Variants in LRRC8C observed in about 807,000 individuals in gnomAD.
LRRC8C encodes leucine rich repeat containing 8 VRAC subunit C, also known as volume-regulated anion channel subunit LRRC8C.
In LRRC8C, 20 loss-of-function variants were observed where a neutral mutation model predicts 55.3. The observed-to-expected ratio is 0.36, with a 90% CI of 0.25 to 0.53. The LOEUF (loss-of-function observed/expected upper bound fraction) is 0.53, where lower values mean the gene tolerates loss of function less well. Ranked by LOEUF, LRRC8C falls within the 20% of genes least tolerant of loss-of-function variation. LRRC8C has a pLI of 0.92. For missense variants in LRRC8C, 659 were observed against 951.4 expected (o/e 0.69, Z 4.04); for synonymous variants, 376 against 360.7 (o/e 1.04, Z -0.48).
intron 2 of LRRC8C, among the ~76,000 whole-genome samples, chr1:89,689,950 AAG>A (rs1392516743): frequency 6.6e-6 from 1 of 152,180 alleles, no homozygotes; most frequent in African/African-American, 2.4e-5. Context: ...CAAAAAAAAA[AAG>A]AGAGAAATCA....
chr1:89,691,969 G>A (rs1168964246), intron 2 of LRRC8C, among the ~76,000 whole-genome samples: 2 of 152,258 alleles, frequency 1.3e-5, no homozygotes, highest in African/African-American at 2.4e-5. Flanking sequence ...TCTATAGTGA[G>A]CATTAACAAA....
upstream of LRRC8C, chr1:89,631,820 A>G (rs757512017): frequency 1.3e-5 from 2 of 152,258 alleles, no homozygotes; most frequent in African/African-American, 2.4e-5. Flanking sequence ...AATTGGAAAA[A>G]AAGTGTAGGA....
chr1:89,634,590 T>C (rs1465974691), intron 1 of LRRC8C, among the ~76,000 whole-genome samples: 2 of 152,228 alleles, frequency 1.3e-5, no homozygotes, highest in African/African-American at 4.8e-5. Flanking sequence ...TCCTCTTGGT[T>C]AGCACAATGC....
chr1:89,636,909 T>A (rs1656304649), intron 1 of LRRC8C, among the ~76,000 whole-genome samples: 1 of 152,206 alleles, frequency 6.6e-6, no homozygotes, highest in Non-Finnish European at 1.5e-5. Context: ...TTTTAAAAAA[T>A]TTCTTTATAT....
chr1:89,696,113 A>G (rs993450897), intron 2 of LRRC8C, among the ~76,000 whole-genome samples: 4 of 152,234 alleles, frequency 2.6e-5, no homozygotes, highest in African/African-American at 9.6e-5. Flanking sequence ...AGATTGAGAG[A>G]GGTCTTGAAT....
intron 2 of LRRC8C, among the ~76,000 whole-genome samples, chr1:89,705,841 C>T (rs777380282): frequency 6.6e-6 from 1 of 152,006 alleles, no homozygotes; most frequent in Non-Finnish European, 1.5e-5. Flanking sequence ...AAATAAAATA[C>T]ATAGACAGAC....
At chr1:89,709,751 G>GTT (rs1553168157) in intron 2 of LRRC8C, among the ~76,000 whole-genome samples, 5 of 93,094 alleles carry the variant, frequency 5.4e-5, no homozygotes, top group African/African-American at 1.9e-4. Flanking sequence ...GTTTTTTTTT[G>GTT]TTTGTTTTTT....
chr1:89,648,763 T>C (rs1197949317), intron 1 of LRRC8C, among the ~76,000 whole-genome samples: 3 of 152,172 alleles, frequency 2.0e-5, no homozygotes, highest in Non-Finnish European at 2.9e-5. Context: ...CCTCTACTTC[T>C]CCCACAGCCA....
the LRRC8C span, among the ~76,000 whole-genome samples, chr1:89,615,918 G>T: frequency 0.01 from 1,565 of 152,226 alleles, 24 homozygotes; most frequent in African/African-American, 0.035. Context: ...CAACTGCTGG[G>T]AGCCCTCAGG....
chr1:89,630,143 T>C (rs753573944), upstream of LRRC8C, among the ~76,000 whole-genome samples: 5 of 152,154 alleles, frequency 3.3e-5, no homozygotes, highest in African/African-American at 4.8e-5. Flanking sequence ...TGAGACTCTG[T>C]CTCAGAAAAA....
chr1:89,694,972 A>G (rs1379749195), intron 2 of LRRC8C, among the ~76,000 whole-genome samples: 3 of 145,690 alleles, frequency 2.1e-5, no homozygotes, highest in Non-Finnish European at 4.5e-5. Flanking sequence ...CCCAGGCTGG[A>G]GTGCAGTGGC....
At chr1:89,708,385 T>C (rs1331015671) in intron 2 of LRRC8C, 3 of 152,200 alleles carry the variant, frequency 2.0e-5, no homozygotes, top group African/African-American at 7.3e-5. Context: ...GAGATTTGTT[T>C]TGCAGCCTTT....
intron 2 of LRRC8C, among the ~76,000 whole-genome samples, chr1:89,706,057 G>A (rs372594925): frequency 9.2e-5 from 14 of 152,142 alleles, no homozygotes; most frequent in South Asian, 8.3e-4. Context: ...AAAGTTTATC[G>A]TGAAAGACAA....
chr1:89,673,740 A>G (rs1273086452), intron 1 of LRRC8C, among the ~76,000 whole-genome samples: 1 of 152,236 alleles, frequency 6.6e-6, no homozygotes, highest in African/African-American at 2.4e-5. Flanking sequence ...GAACAAAACA[A>G]ATTATTTCTG....
At chr1:89,666,692 CACATAAACATTTCTGTTAT>C (rs1657274790) in intron 1 of LRRC8C, among the ~76,000 whole-genome samples, 1 of 152,166 alleles carries the variant, frequency 6.6e-6, no homozygotes, top group South Asian at 2.1e-4. Context: ...TTCTGTTAGT[CACATAAACATTTCTGTTAT>C]TCATTTTAAT....
At position 89,717,477 on chromosome 1, in the gene LRRC8C, A is replaced by AC. The variant is rs1658860212; in HGVS notation, c.*2500dup. Reference sequence around the variant, plus strand: ...TGTTTTTTAGTGATTTTGCAGGCTGACCCCCAACCTAAGTTTTGATAACAT... The same window carrying AC: ...TGTTTTTTAGTGATTTTGCAGGCTGACCCCCCAACCTAAGTTTTGATAACAT... On this transcript the variant is annotated 3_prime_UTR_variant, in exon 3 of 3. Transcript: ENST00000370454. The AC allele has an allele frequency of 6.6e-6, 1 of 152,096 alleles. No individual in the cohort carries two copies. The highest frequency in any genetic ancestry group is 2.4e-5 in the African/African-American group (1 of 41,404). The allele number at this position is 152,096 out of a possible 1,614,324, so 9.4% of individuals were successfully genotyped here.
intron 1 of LRRC8C, among the ~76,000 whole-genome samples, chr1:89,665,718 G>C (rs1237702417): frequency 2.6e-5 from 4 of 152,062 alleles, no homozygotes; most frequent in African/African-American, 9.7e-5. Flanking sequence ...TATAAATTTA[G>C]TGTAGCCTAG....
chr1:89,715,460 GA>G lies in LRRC8C; in HGVS notation c.*480del, dbSNP rs1369567729. On this transcript the variant is annotated 3_prime_UTR_variant, in exon 3 of 3. Transcript: ENST00000370454. ...CATTGGCCAAGACCTTCATTCAGTG[GA>G]ACTTCACATAAGTGCATTGTCATAG... 1 of 152,390 alleles carries G rather than the reference GA, an allele frequency of 6.6e-6. No homozygotes were observed. Among genetic ancestry groups the G allele is most frequent in the East Asian group, 1.9e-4 (1 of 5,186 alleles). The allele number at this position is 152,390 out of a possible 1,614,324, so 9.4% of individuals were successfully genotyped here.
chr1:89,650,904 C>T (rs980228611), intron 1 of LRRC8C, among the ~76,000 whole-genome samples: 2 of 152,186 alleles, frequency 1.3e-5, no homozygotes, highest in Admixed American at 6.5e-5. Context: ...AAACAGCTCT[C>T]CAAGCTCTCA....
Sources: allele counts gnomAD v4.1 joint callset (sites outside exome capture counted in the v4.1 genomes callset), GRCh38; gene constraint gnomAD v4.1.1; transcripts MANE v1.5; gene names NCBI Gene and HGNC (gene_info 2026-07-23, HGNC 2026-07-21).